ANXA13: variants seen among roughly 807,000 people sequenced by gnomAD.
ANXA13 encodes the protein annexin XIII.
In ANXA13, 36 loss-of-function variants were observed where a neutral mutation model predicts 46.6. The observed-to-expected ratio is 0.77, with a 90% CI of 0.59 to 1.02. The LOEUF (loss-of-function observed/expected upper bound fraction) is 1.02, where lower values mean the gene tolerates loss of function less well. Ranked by LOEUF, ANXA13 falls within the 50% of genes least tolerant of loss-of-function variation. ANXA13 has a pLI of 0.00. For synonymous variants in ANXA13, 163 were observed against 152.9 expected (o/e 1.07, Z -0.49); for missense variants, 417 against 396.5 (o/e 1.05, Z -0.44).
intron 1 of ANXA13, among the ~76,000 whole-genome samples, chr8:123,724,144 T>A (rs983254436): frequency 3.9e-5 from 6 of 152,152 alleles, no homozygotes; most frequent in Non-Finnish European, 7.4e-5. Flanking sequence ...TTAACCAAGG[T>A]GTCTGGGAGG....
chr8:123,684,985 C>T (rs770423839), intron 9 of ANXA13, among the ~76,000 whole-genome samples: 14 of 152,242 alleles, frequency 9.2e-5, no homozygotes, highest in Non-Finnish European at 1.9e-4. Context: ...CCCTCCCGGC[C>T]ACGTCCATGA....
chr8:123,693,991 C>CT lies in ANXA13; in HGVS notation c.472-213dup, dbSNP rs375293398. Among the ~76,000 whole-genome samples the CT allele has an allele frequency of 6.3e-3, 913 of 143,950 alleles. 4 individuals carry two copies. The highest frequency in any genetic ancestry group is 0.019 in the African/African-American group (733 of 39,580). 94.4% of individuals were successfully genotyped at this position (143,950 alleles called of 152,430 possible). ...CTTCTGTGGCAACACTTGGTTTTGC[C>CT]TTTTTTTTTTTTTGTAGAAACCAGA... On this transcript the variant is annotated intron_variant, in intron 6 of 10. Coordinates refer to ENST00000419625, the MANE Select transcript of ANXA13 (RefSeq NM_004306.4).
intron 1 of ANXA13, chr8:123,727,689 T>A (rs1204357902): frequency 8.6e-6 from 1 of 116,620 alleles, no homozygotes; most frequent in Non-Finnish European, 1.6e-5. Flanking sequence ...ATGTCAGCAG[T>A]GCCAAGGACG....
In ANXA13 at chr8:123,681,280, G is replaced by A. The variant is rs1199971911; in HGVS notation, c.911C>T (p.Ser304Phe). ...TACTAGCAGTTTCCGGAAGTCCCCGGAGGTATCTGAGCGAACCATGTCAGA... is the reference window on the plus strand; with the variant it reads ...TACTAGCAGTTTCCGGAAGTCCCCGAAGGTATCTGAGCGAACCATGTCAGA... ...SLSDMVRSDT[S>F]GDFRKLLVAL... Residue 304 changes from serine (S) to phenylalanine (F), a missense_variant, in exon 11 of 11, where the codon TCC becomes TTC. Physicochemically the swap from Ser to Phe is radical, Grantham distance 155 (BLOSUM62 -2). Transcript: ENST00000419625. 1 of 1,614,070 alleles carries A rather than the reference G, an allele frequency of 6.2e-7. No homozygotes were observed. The highest frequency in any genetic ancestry group is 2.2e-5 in the East Asian group (1 of 44,898).
chr8:123,716,633 G>A (rs945931160), intron 1 of ANXA13, among the ~76,000 whole-genome samples: 1 of 152,100 alleles, frequency 6.6e-6, no homozygotes, highest in African/African-American at 2.4e-5. Flanking sequence ...ATTGTGGTGG[G>A]GGCTGCCTCC....
intron 1 of ANXA13, chr8:123,729,317 G>A (rs1223985687): frequency 6.6e-6 from 1 of 152,214 alleles, no homozygotes; most frequent in Non-Finnish European, 1.5e-5. Context: ...CTTATTTTCA[G>A]TAGGAGAGAA....
At chr8:123,715,164 T>C (rs976680644) in intron 1 of ANXA13, among the ~76,000 whole-genome samples, 1 of 152,182 alleles carries the variant, frequency 6.6e-6, no homozygotes, top group African/African-American at 2.4e-5. Flanking sequence ...CTGGGCTTAG[T>C]ACAAAATGAA....
At chr8:123,735,053 A>G (rs1399757639) in intron 1 of ANXA13, among the ~76,000 whole-genome samples, 1 of 150,454 alleles carries the variant, frequency 6.6e-6, no homozygotes, top group Non-Finnish European at 1.5e-5. Context: ...ACCACATCAT[A>G]TTTTAGATTT....
intron 1 of ANXA13, among the ~76,000 whole-genome samples, chr8:123,716,554 G>A (rs1327941486): frequency 6.6e-6 from 1 of 152,072 alleles, no homozygotes; most frequent in Non-Finnish European, 1.5e-5. Flanking sequence ...ATTTGATGTC[G>A]AAGTGAAAGA....
chr8:123,730,050 T>G (rs1343528722), intron 1 of ANXA13, among the ~76,000 whole-genome samples: 1 of 152,182 alleles, frequency 6.6e-6, no homozygotes, highest in African/African-American at 2.4e-5. Context: ...GCAAGTTATG[T>G]TCGTTTGACT....
chr8:123,681,168 T>C lies in ANXA13; in HGVS notation c.*72A>G, dbSNP rs2129806500. On this transcript the variant is annotated 3_prime_UTR_variant, in exon 11 of 11. Coordinates refer to ENST00000419625, the MANE Select transcript of ANXA13 (RefSeq NM_004306.4). ...AAGGGTTTTCGTGCGGGAGTCTCAT[T>C]TGCAAGTTTGATTTGGAATGTGCTC... 1 of 1,518,448 alleles carries C rather than the reference T, an allele frequency of 6.6e-7. No homozygotes were observed. Among genetic ancestry groups the C allele is most frequent in the Non-Finnish European group, 8.8e-7 (1 of 1,131,136 alleles). The allele number at this position is 1,518,448 out of a possible 1,614,324, so 94.1% of individuals were successfully genotyped here.
chr8:123,718,209 A>G (rs1586333573), intron 1 of ANXA13, among the ~76,000 whole-genome samples: 2 of 152,248 alleles, frequency 1.3e-5, no homozygotes, highest in Admixed American at 1.3e-4. Context: ...TGGACTTTGT[A>G]AATGCAAACT....
At chr8:123,737,213 T>C in intron 1 of ANXA13, 107 bp downstream of exon 1, 1 of 1,139,840 alleles carries the variant, frequency 8.8e-7, no homozygotes, top group Non-Finnish European at 1.3e-6. Context: ...TATTAAAGGG[T>C]AACCATAGTG....
At chr8:123,717,589 A>G (rs977517222) in intron 1 of ANXA13, among the ~76,000 whole-genome samples, 2 of 152,248 alleles carry the variant, frequency 1.3e-5, no homozygotes, top group African/African-American at 2.4e-5. Context: ...CATATTTATA[A>G]TAGGTGGCCA....
chr8:123,712,145 T>C (rs1813672672), intron 2 of ANXA13: 1 of 157,538 alleles, frequency 6.3e-6, no homozygotes, highest in Non-Finnish European at 1.4e-5. Flanking sequence ...CCCCATACCG[T>C]TCTCACGGTA....
intron 1 of ANXA13, among the ~76,000 whole-genome samples, chr8:123,714,638 AG>A (rs1178053896): frequency 3.3e-5 from 5 of 152,192 alleles, no homozygotes; most frequent in African/African-American, 1.2e-4. Flanking sequence ...AGTTGGCTTG[AG>A]GCTTTAGTTA....
At chr8:123,730,715 C>G (rs1814101135) in intron 1 of ANXA13, among the ~76,000 whole-genome samples, 1 of 152,160 alleles carries the variant, frequency 6.6e-6, no homozygotes, top group African/African-American at 2.4e-5. Flanking sequence ...TAAAGACTTA[C>G]CCCAGACTGG....
At chr8:123,693,079 A>T in intron 8 of ANXA13, 118 bp downstream of exon 8, 1 of 872,520 alleles carries the variant, frequency 1.1e-6, no homozygotes, top group Non-Finnish European at 1.8e-6. Context: ...ATCGCCTCCA[A>T]TTGAGAACCA....
chr8:123,691,686 T>C (rs1157700868), intron 8 of ANXA13, among the ~76,000 whole-genome samples: 1 of 152,184 alleles, frequency 6.6e-6, no homozygotes, highest in Non-Finnish European at 1.5e-5. Context: ...TAAACTGTAA[T>C]ATACATTAAA....
Sources: allele counts gnomAD v4.1 joint callset (sites outside exome capture counted in the v4.1 genomes callset), GRCh38; gene constraint gnomAD v4.1.1; transcripts MANE v1.5; gene names NCBI Gene and HGNC (gene_info 2026-07-23, HGNC 2026-07-21).